The following FGF10 variants were observed in gnomAD, a reference collection of about 807,000 sequenced individuals.
FGF10 encodes FGF-10.
A neutral mutation model predicts 19.8 loss-of-function variants in FGF10; 2 were observed. That is an observed-to-expected ratio of 0.10 (90% CI 0.04 to 0.32). The LOEUF is 0.32. FGF10 is among the 10% of genes least tolerant of loss of function. FGF10 has a pLI of 1.00. For synonymous variants in FGF10, 112 were observed against 94.0 expected, an observed-to-expected ratio of 1.19 and a Z score of -1.10; for missense variants, 191 against 246.3, an observed-to-expected ratio of 0.78 and a Z score of 1.50.
chr5:44,317,479 C>T (rs1740376806), intron 1 of FGF10, among the ~76,000 whole-genome samples: 1 of 152,228 alleles, frequency 6.6e-6, no homozygotes, highest in African/African-American at 2.4e-5. Context: ...TGTCATTCAG[C>T]CATTGTCATT....
At chr5:44,350,055 C>T (rs1038168009) in intron 1 of FGF10, among the ~76,000 whole-genome samples, 10 of 150,968 alleles carry the variant, frequency 6.6e-5, no homozygotes, top group African/African-American at 9.7e-5. Flanking sequence ...CACACACACA[C>T]GCACACACAC....
Position 44,389,123 on chromosome 5 carries a change from A to T in FGF10, c.-441T>A. 1 of 287,840 alleles carries T rather than the reference A, an allele frequency of 3.5e-6. No individual in the cohort carries two copies. Among genetic ancestry groups the T allele is most frequent in the South Asian group, 3.8e-5 (1 of 26,434 alleles). The allele number at this position is 287,840 out of a possible 1,614,324, so 17.8% of individuals were successfully genotyped here. A position where few individuals can be genotyped will look rare whatever the true frequency, so the allele number is the denominator to read the frequency against. The stretch of plus-strand genomic sequence containing the variant: ...GGTGGGGTGGGGAATAGGGGGAGAT[A>T]TCTGCACCCCTCTGCGGTTGGCACC... On this transcript the variant is annotated 5_prime_UTR_variant, in exon 1 of 3. Transcript: ENST00000264664.
At chr5:44,372,743 A>G (rs1429156868) in intron 1 of FGF10, among the ~76,000 whole-genome samples, 2 of 152,234 alleles carry the variant, frequency 1.3e-5, no homozygotes, top group Non-Finnish European at 2.9e-5. Context: ...CAAGCGTAGT[A>G]TAACAGTTAT....
At chr5:44,329,643 T>G (rs767037026) in intron 1 of FGF10, among the ~76,000 whole-genome samples, 2 of 152,162 alleles carry the variant, frequency 1.3e-5, no homozygotes, top group East Asian at 1.9e-4. Flanking sequence ...AAAATGAGCA[T>G]GTACCCAATA....
chr5:44,329,455 G>A (rs1413564201), intron 1 of FGF10, among the ~76,000 whole-genome samples: 1 of 152,174 alleles, frequency 6.6e-6, no homozygotes, highest in African/African-American at 2.4e-5. Context: ...GATTACAGGT[G>A]TGAGCCACCG....
At chr5:44,337,435 A>G (rs1235070117) in intron 1 of FGF10, among the ~76,000 whole-genome samples, 1 of 152,202 alleles carries the variant, frequency 6.6e-6, no homozygotes, top group Non-Finnish European at 1.5e-5. Context: ...AACATTAAAC[A>G]AAAATTAGAA....
In FGF10 at chr5:44,343,194, G is replaced by A. The variant is rs1215630533; in HGVS notation, c.326-32664C>T. 2.6e-5 allele frequency among the ~76,000 whole-genome samples: 4 copies of A among 151,790 alleles called. No individual in the cohort carries two copies. The East Asian group carries it at 5.8e-4, about 22-fold the overall frequency. On this transcript the variant is annotated intron_variant, in intron 1 of 2. Transcript: ENST00000264664. ...AATTTCCACTTTATGTACAAGTTAG[G>A]TACAAGTACTTATTCCCCACTGAAA...
intron 1 of FGF10, among the ~76,000 whole-genome samples, chr5:44,357,831 G>A (rs912450771): frequency 6.6e-6 from 1 of 151,374 alleles, no homozygotes; most frequent in Non-Finnish European, 1.5e-5. Context: ...CACTTAAAAG[G>A]CCATCAGGAC....
chr5:44,373,068 T>C (rs554509645), intron 1 of FGF10, among the ~76,000 whole-genome samples: 1 of 152,326 alleles, frequency 6.6e-6, no homozygotes, highest in East Asian at 1.9e-4. Flanking sequence ...ACTTGCTCTG[T>C]CTTTGTCTAT....
intron 1 of FGF10, among the ~76,000 whole-genome samples, chr5:44,324,313 C>G (rs1362968143): frequency 6.6e-6 from 1 of 152,000 alleles, no homozygotes; most frequent in Non-Finnish European, 1.5e-5. Flanking sequence ...AATATATATC[C>G]AAGCCATGTT....
At chr5:44,337,243 G>T (rs796222028) in intron 1 of FGF10, among the ~76,000 whole-genome samples, 1 of 139,460 alleles carries the variant, frequency 7.2e-6, no homozygotes, top group Non-Finnish European at 1.6e-5. Flanking sequence ...CAAAAAGAAA[G>T]ATACTATTGA....
chr5:44,330,222 C>A (rs970791446), intron 1 of FGF10, among the ~76,000 whole-genome samples: 1 of 152,170 alleles, frequency 6.6e-6, no homozygotes, highest in Non-Finnish European at 1.5e-5. Flanking sequence ...GTTGAGACTT[C>A]GCTTTCTCAA....
chr5:44,328,883 A>C (rs1358833001), intron 1 of FGF10, among the ~76,000 whole-genome samples: 1 of 152,188 alleles, frequency 6.6e-6, no homozygotes, highest in Admixed American at 6.5e-5. Context: ...CTGTAGTTGC[A>C]GCTACTGAGG....
chr5:44,317,813 T>C (rs137894696), intron 1 of FGF10, among the ~76,000 whole-genome samples: 1 of 152,252 alleles, frequency 6.6e-6, no homozygotes, highest in African/African-American at 2.4e-5. Context: ...TACTTATCAA[T>C]ATTGTAATAA....
intron 1 of FGF10, among the ~76,000 whole-genome samples, chr5:44,320,095 C>G (rs1597127): frequency 0.98 from 149,500 of 152,276 alleles, 73,460 homozygotes; most frequent in East Asian, 1. Context: ...CTTCTTATGA[C>G]AATCTAATGC....
chr5:44,306,854 G>A (rs1740087368), intron 2 of FGF10, among the ~76,000 whole-genome samples: 1 of 152,098 alleles, frequency 6.6e-6, no homozygotes, highest in Non-Finnish European at 1.5e-5. Flanking sequence ...TTAAGGTAAG[G>A]ATTTTGATAA....
At chr5:44,351,928 C>T (rs1049483400) in intron 1 of FGF10, among the ~76,000 whole-genome samples, 11 of 151,464 alleles carry the variant, frequency 7.3e-5, no homozygotes, top group Non-Finnish European at 5.9e-5. Flanking sequence ...TCTGGATTTT[C>T]CAAGTGTGAA....
chr5:44,352,701 A>G (rs887801798), intron 1 of FGF10, among the ~76,000 whole-genome samples: 3 of 151,640 alleles, frequency 2.0e-5, no homozygotes, highest in African/African-American at 7.3e-5. Context: ...TTCTACCAAG[A>G]GAACCTTTCA....
chr5:44,328,087 G>GT (rs1342591728), intron 1 of FGF10, among the ~76,000 whole-genome samples: 4 of 152,170 alleles, frequency 2.6e-5, no homozygotes, highest in South Asian at 4.1e-4. Context: ...GTTTTGTTTT[G>GT]TTTTTTTCCT....
Sources: allele counts gnomAD v4.1 joint callset (sites outside exome capture counted in the v4.1 genomes callset), GRCh38; gene constraint gnomAD v4.1.1; transcripts MANE v1.5; gene names NCBI Gene and HGNC (gene_info 2026-07-23, HGNC 2026-07-21).